The following BTBD9 variants were observed in gnomAD, a reference collection of about 807,000 sequenced individuals.
BTBD9 encodes BTB domain containing 9.
Under a neutral mutation model 64.3 loss-of-function variants are expected in BTBD9, and 49 were observed. That is an observed-to-expected ratio of 0.76 (90% CI 0.61 to 0.97). The LOEUF (loss-of-function observed/expected upper bound fraction) is 0.97, where lower values mean the gene tolerates loss of function less well. Ranked by LOEUF, BTBD9 falls within the 50% of genes least tolerant of loss-of-function variation. The pLI is 0.00. For synonymous variants in BTBD9, 260 were observed against 274.7 expected, an observed-to-expected ratio of 0.95 and a Z score of 0.53; for missense variants, 598 against 762.1, an observed-to-expected ratio of 0.78 and a Z score of 2.53.
chr6:38,605,969 A>G (rs970082992), intron 1 of BTBD9, among the ~76,000 whole-genome samples: 19 of 152,224 alleles, frequency 1.2e-4, no homozygotes, highest in African/African-American at 4.6e-4. Context: ...GGCACCATCT[A>G]ATCAGCTGCC....
chr6:38,309,625 A>C (rs544351747), intron 7 of BTBD9, among the ~76,000 whole-genome samples: 40 of 151,804 alleles, frequency 2.6e-4, no homozygotes, highest in South Asian at 2.3e-3. Context: ...GTTGGCCAGG[A>C]TGGTCTCAAT....
rs1163099425 is a variant in BTBD9, at chr6:38,208,857, T to C, written c.1563-16260A>G. Among the ~76,000 whole-genome samples, 7 of 152,162 alleles carry C rather than the reference T, an allele frequency of 4.6e-5. 1 individual carries two copies. The South Asian group carries it at 6.2e-4, about 14-fold the overall frequency. On this transcript the variant is annotated intron_variant, in intron 9 of 10. Coordinates refer to ENST00000481247, the MANE Select transcript of BTBD9 (RefSeq NM_001099272.2). ...CAGGCTTAGGAAAAATGGGGCCAAG[T>C]TGATCTAACCTGACTGCAGACCTGA... is the stretch of plus-strand genomic sequence containing the variant.
At chr6:38,207,864 T>C (rs1211748115) in intron 9 of BTBD9, among the ~76,000 whole-genome samples, 1 of 152,162 alleles carries the variant, frequency 6.6e-6, no homozygotes, top group Admixed American at 6.5e-5. Context: ...AGAAAAGCAG[T>C]TGCTTTCCGA....
intron 9 of BTBD9, among the ~76,000 whole-genome samples, chr6:38,251,168 AC>A (rs35822763): frequency 0.039 from 5,998 of 152,058 alleles, 158 homozygotes; most frequent in Non-Finnish European, 0.054. Flanking sequence ...AACTAAAAAA[AC>A]ATAACAAAAA....
At chr6:38,635,657 C>A (rs1362254766) in intron 1 of BTBD9, among the ~76,000 whole-genome samples, 2 of 152,308 alleles carry the variant, frequency 1.3e-5, no homozygotes, top group African/African-American at 4.8e-5. Flanking sequence ...CTCTCTCTCA[C>A]CCATGTGATG....
At chr6:38,242,646 T>A (rs897427351) in intron 9 of BTBD9, among the ~76,000 whole-genome samples, 1 of 152,248 alleles carries the variant, frequency 6.6e-6, no homozygotes, top group Non-Finnish European at 1.5e-5. Context: ...AGTTCCTTCA[T>A]AGAAGAAATG....
intron 1 of BTBD9, among the ~76,000 whole-genome samples, chr6:38,613,764 C>G (rs1481983821): frequency 6.6e-6 from 1 of 152,134 alleles, no homozygotes; most frequent in Non-Finnish European, 1.5e-5. Flanking sequence ...TACTGACATT[C>G]CTGTAGCAAT....
intron 9 of BTBD9, among the ~76,000 whole-genome samples, chr6:38,208,997 C>G (rs1202807361): frequency 6.6e-6 from 1 of 152,232 alleles, no homozygotes; most frequent in Non-Finnish European, 1.5e-5. Flanking sequence ...CACAGACATA[C>G]CTTGCTGGTT....
intron 6 of BTBD9, among the ~76,000 whole-genome samples, chr6:38,432,082 G>A (rs115191802): frequency 0.02 from 3,098 of 152,018 alleles, 159 homozygotes; most frequent in African/African-American, 0.07. Context: ...CACGGGACTG[G>A]ATTAGCTACC....
chr6:38,175,729 C>A (rs1761208351), intron 10 of BTBD9, among the ~76,000 whole-genome samples: 1 of 152,206 alleles, frequency 6.6e-6, no homozygotes, highest in Admixed American at 6.5e-5. Context: ...GGGTCCCAGT[C>A]TGAGTGCATG....
At chr6:38,432,431 G>A (rs986517776) in intron 6 of BTBD9, among the ~76,000 whole-genome samples, 16 of 151,882 alleles carry the variant, frequency 1.1e-4, no homozygotes, top group Non-Finnish European at 2.1e-4. Flanking sequence ...CTCATTTGGG[G>A]CTGAGACACC....
At position 38,374,306 on chromosome 6, in the gene BTBD9, T is replaced by TATATAC. The variant is rs1491240635; in HGVS notation, c.1155-29214_1155-29213insGTATAT. 5.7e-4 allele frequency among the ~76,000 whole-genome samples: 48 copies of TATATAC among 84,636 alleles called. 3 individuals carry two copies. The highest frequency in any genetic ancestry group is 2.4e-3 in the African/African-American group (41 of 17,238). 55.5% of individuals were successfully genotyped at this position (84,636 alleles called of 152,430 possible). A position where few individuals can be genotyped will look rare whatever the true frequency, so the allele number is the denominator to read the frequency against. On this transcript the variant is annotated intron_variant, in intron 6 of 10. Transcript: ENST00000481247. ...AAGTATATATATATATGTATATATA[T>TATATAC]GTATATATATATATATATATGTATA...
chr6:38,555,469 T>C (rs80220622), intron 6 of BTBD9, among the ~76,000 whole-genome samples: 11 of 152,364 alleles, frequency 7.2e-5, no homozygotes, highest in African/African-American at 2.6e-4. Flanking sequence ...AGATTAAATG[T>C]AAGTATATAT....
At chr6:38,523,693 T>C (rs1465440743) in intron 6 of BTBD9, among the ~76,000 whole-genome samples, 2 of 152,252 alleles carry the variant, frequency 1.3e-5, no homozygotes, top group African/African-American at 4.8e-5. Context: ...CAGTATTTTT[T>C]TCATTATCAT....
rs1766860163 is a variant in BTBD9, at chr6:38,173,049, A to G, written c.*1936T>C. 6.6e-6 allele frequency: 1 copy of G among 152,278 alleles called. No individual in the cohort carries two copies. The highest frequency in any genetic ancestry group is 2.4e-5 in the African/African-American group (1 of 41,462). 9.4% of individuals were successfully genotyped at this position (152,278 alleles called of 1,614,324 possible). ...CTGGGCAGGTGATGCCCATGTTTAA[A>G]AAGAAGCATGTGAATGGCTCATTTC... On this transcript the variant is annotated 3_prime_UTR_variant, in exon 11 of 11. Coordinates refer to ENST00000481247, the MANE Select transcript of BTBD9 (RefSeq NM_001099272.2).
intron 6 of BTBD9, among the ~76,000 whole-genome samples, chr6:38,387,304 A>T (rs894133105): frequency 6.6e-6 from 1 of 152,208 alleles, no homozygotes; most frequent in Non-Finnish European, 1.5e-5. Context: ...TGGGAGGCTG[A>T]GGCGGGAGGA....
chr6:38,465,413 C>T (rs1330440361), intron 6 of BTBD9, among the ~76,000 whole-genome samples: 3 of 143,854 alleles, frequency 2.1e-5, no homozygotes, highest in Admixed American at 7.3e-5. Flanking sequence ...GTCAGGAAAT[C>T]GAGACCATCC....
At chr6:38,497,449 A>C (rs1360854619) in intron 6 of BTBD9, among the ~76,000 whole-genome samples, 2 of 152,204 alleles carry the variant, frequency 1.3e-5, no homozygotes, top group African/African-American at 4.8e-5. Context: ...ATTCAGTAAG[A>C]TGTTTCCTAA....
At chr6:38,541,151 T>C in intron 6 of BTBD9, among the ~76,000 whole-genome samples, 1 of 152,198 alleles carries the variant, frequency 6.6e-6, no homozygotes. Flanking sequence ...ATATTATTCA[T>C]ATTTATTCTA....
Sources: gnomAD v4.1 joint callset for allele counts (sites outside exome capture counted in the v4.1 genomes callset) on GRCh38, gnomAD v4.1.1 for gene constraint, MANE v1.5 for transcripts, NCBI Gene and HGNC (gene_info 2026-07-23, HGNC 2026-07-21) for gene names.